MYO7A: variants seen among roughly 807,000 people sequenced by gnomAD.
The protein encoded by MYO7A is unconventional myosin-VIIa.
MYO7A carries 210 observed loss-of-function variants against 263.8 expected under a neutral mutation model. The observed-to-expected ratio is 0.80, with a 90% CI of 0.71 to 0.89. The LOEUF (loss-of-function observed/expected upper bound fraction) is 0.89. MYO7A is among the 40% of genes least tolerant of loss of function. The pLI is 0.00. For synonymous variants in MYO7A, 1,239 were observed against 1,197.3 expected (o/e 1.03, Z -0.72); for missense variants, 2,820 against 2,968.3 (o/e 0.95, Z 1.16).
chr11:77,182,384 G>A (rs1955309164), intron 24 of MYO7A, 40 bp from the exon 25 acceptor site: 1 of 1,560,980 alleles, frequency 6.4e-7, no homozygotes, highest in African/African-American at 1.5e-5. Context: ...CTTTAGCAAT[G>A]TCCTCCGCTC....
At chr11:77,171,876 C>T (rs1166117602) in intron 15 of MYO7A, among the ~76,000 whole-genome samples, 2 of 152,210 alleles carry the variant, frequency 1.3e-5, no homozygotes, top group Non-Finnish European at 2.9e-5. Context: ...ACAGTATTCT[C>T]AGAGGGGACC....
chr11:77,199,221 G>T (rs910951159), intron 34 of MYO7A, among the ~76,000 whole-genome samples: 3 of 152,202 alleles, frequency 2.0e-5, no homozygotes, highest in African/African-American at 4.8e-5. Flanking sequence ...TGACAAGATA[G>T]TCCTTGTCCT....
chr11:77,162,265 G>A lies in MYO7A; in HGVS notation c.1489G>A (p.Asp497Asn), dbSNP rs1352440731. ...GTTCACTGACAACCAGGATGCCCTG[G>A]ACATGATTGCCAACAAGCCCATGAA... ...IEFTDNQDALDMIANKPMNII... is the reference protein window; with the variant it reads ...IEFTDNQDALNMIANKPMNII... The change falls in exon 13 of 49, where the codon GAC (aspartate) becomes AAC (asparagine). Residue 497 changes from aspartate to asparagine, a missense_variant. Transcript: ENST00000409709. 4 of 1,555,302 alleles carry A rather than the reference G, an allele frequency of 2.6e-6. No homozygotes were observed. The highest frequency in any genetic ancestry group is 3.5e-6 in the Non-Finnish European group (4 of 1,148,942).
chr11:77,140,135 T>A (rs548334277), intron 2 of MYO7A, among the ~76,000 whole-genome samples: 5 of 152,280 alleles, frequency 3.3e-5, no homozygotes, highest in African/African-American at 9.6e-5. Flanking sequence ...AAGTTTTTTT[T>A]ATTTTGGTTA....
chr11:77,171,867 C>A (rs1386568614), intron 15 of MYO7A, among the ~76,000 whole-genome samples: 3 of 152,214 alleles, frequency 2.0e-5, no homozygotes, highest in Non-Finnish European at 4.4e-5. Flanking sequence ...CCTCATTTCA[C>A]AGTATTCTCA....
chr11:77,199,491 C>G (rs1956910738), intron 34 of MYO7A, 44 bp from the exon 35 acceptor site: 2 of 1,438,636 alleles, frequency 1.4e-6, no homozygotes, highest in East Asian at 5.1e-5. Flanking sequence ...ACGTCTCCCA[C>G]TGGTTGGGGC....
chr11:77,190,042 G>A lies in MYO7A; in HGVS notation c.3653G>A (p.Gly1218Glu), dbSNP rs752542303. ...FVKYLRNFIH[G>E]GPPGYAPYCE... ...CAGTACCTGCGGAACTTCATCCACG[G>A]GGGCCCGCCCGGCTACGCCCCGTAC... The change falls in exon 29 of 49, where the codon GGG becomes GAG. Residue 1218 changes from glycine (G) to glutamate (E), a missense_variant. Coordinates refer to ENST00000409709, the MANE Select transcript of MYO7A (RefSeq NM_000260.4). 6.4e-7 allele frequency: 1 copy of A among 1,562,384 alleles called. No homozygotes were observed.
rs781952604 is a variant in MYO7A at position 77,147,863 on chromosome 11, C to T, written c.198C>T (p.Gly66=). 1 of 1,607,066 alleles carries T rather than the reference C, an allele frequency of 6.2e-7. No individual in the cohort carries two copies. Among genetic ancestry groups the T allele is most frequent in the Non-Finnish European group, 8.5e-7 (1 of 1,177,540 alleles). ...CTATGCACCCCACGTCGGTCCACGG[C>T]GTGGAGGACATGATCCGCCTGGGGG... ...IKPMHPTSVH[G]VEDMIRLGDL... The change falls in exon 4 of 49, where the codon GGC becomes GGT. Residue 66 remains glycine, a synonymous_variant. Transcript: ENST00000409709.
At chr11:77,152,630 C>G (rs1417973887) in intron 4 of MYO7A, among the ~76,000 whole-genome samples, 1 of 152,026 alleles carries the variant, frequency 6.6e-6, no homozygotes, top group Non-Finnish European at 1.5e-5. Context: ...TGTACTTCCC[C>G]GCCCATTGAT....
At chr11:77,161,215 C>A in intron 12 of MYO7A, 100 bp downstream of exon 12, 1 of 1,424,040 alleles carries the variant, frequency 7.0e-7, no homozygotes, top group Non-Finnish European at 9.7e-7. Flanking sequence ...TGGCTCCTGG[C>A]ACACTCTGCC....
intron 45 of MYO7A, 45 bp from the exon 46 acceptor site, chr11:77,211,776 C>T (rs771051753): frequency 8.6e-6 from 13 of 1,512,702 alleles, no homozygotes; most frequent in South Asian, 1.1e-5. Context: ...CTGAGCAGGC[C>T]TGTCCCCAGG....
intron 15 of MYO7A, among the ~76,000 whole-genome samples, chr11:77,170,304 G>A (rs1953964919): frequency 6.6e-6 from 1 of 152,172 alleles, no homozygotes; most frequent in Admixed American, 6.5e-5. Context: ...AGGGAGAGGG[G>A]ACAGCAAGCA....
chr11:77,190,651 G>C (rs1437683694), intron 29 of MYO7A, 46 bp from the exon 30 acceptor site: 1 of 1,545,154 alleles, frequency 6.5e-7, no homozygotes, highest in African/African-American at 1.4e-5. Flanking sequence ...GGGGCAGGCA[G>C]GTCTGAAGGG....
intron 27 of MYO7A, 99 bp from the exon 28 acceptor site, chr11:77,189,245 G>T: frequency 4.6e-6 from 7 of 1,536,142 alleles, no homozygotes; most frequent in Non-Finnish European, 6.1e-6. Flanking sequence ...AAGTTGGAGA[G>T]GACAGCTGTG....
intron 40 of MYO7A, among the ~76,000 whole-genome samples, chr11:77,205,820 G>A (rs1296617318): frequency 6.6e-6 from 1 of 152,158 alleles, no homozygotes; most frequent in Non-Finnish European, 1.5e-5. Flanking sequence ...GGAGTGCTCA[G>A]CCCAGAGCTC....
intron 41 of MYO7A, 141 bp downstream of exon 41, chr11:77,206,343 C>A: frequency 1.5e-6 from 1 of 665,350 alleles, no homozygotes; most frequent in Non-Finnish European, 2.5e-6. Flanking sequence ...GGAGTCGGGG[C>A]TCAGGACGAA....
intron 12 of MYO7A, among the ~76,000 whole-genome samples, chr11:77,161,549 C>A (rs1485583652): frequency 6.6e-6 from 1 of 152,166 alleles, no homozygotes; most frequent in Non-Finnish European, 1.5e-5. Context: ...GTCCTGGAGC[C>A]CCACTTCCTG....
chr11:77,155,280 G>A (rs1482886339), intron 4 of MYO7A, among the ~76,000 whole-genome samples: 1 of 152,224 alleles, frequency 6.6e-6, no homozygotes, highest in Middle Eastern at 3.4e-3. Context: ...GCTATCTGAG[G>A]TGCACCTGGC....
chr11:77,152,688 T>G (rs1555057834), intron 4 of MYO7A, among the ~76,000 whole-genome samples: 2 of 151,980 alleles, frequency 1.3e-5, no homozygotes, highest in African/African-American at 4.8e-5. Flanking sequence ...GCATCTCTTA[T>G]GTGCCGTGCA....
Sources: allele counts gnomAD v4.1 joint callset (sites outside exome capture counted in the v4.1 genomes callset), GRCh38; gene constraint gnomAD v4.1.1; transcripts MANE v1.5; gene names NCBI Gene and HGNC (gene_info 2026-07-23, HGNC 2026-07-21).